Variants in ERBIN observed in about 807,000 individuals in gnomAD.
ERBIN encodes densin-180-like protein.
ERBIN carries 60 observed loss-of-function variants against 158.4 expected under a neutral mutation model. That is an observed-to-expected ratio of 0.38 (90% CI 0.31 to 0.47). ERBIN has a LOEUF of 0.47. ERBIN is among the 20% of genes least tolerant of loss of function. The pLI, the probability that ERBIN is intolerant of heterozygous loss-of-function variation, is 0.99. For missense variants in ERBIN, 1,610 were observed against 1,648.0 expected, an observed-to-expected ratio of 0.98 and a Z score of 0.40; for synonymous variants, 594 against 557.2, an observed-to-expected ratio of 1.07 and a Z score of -0.93.
At chr5:65,987,397 A>ACACACACACACACACAC (rs1561335953) in intron 1 of ERBIN, among the ~76,000 whole-genome samples, 2 of 16,272 alleles carry the variant, frequency 1.2e-4, no homozygotes, top group African/African-American at 5.1e-4. Context: ...CACACACACG[A>ACACACACACACACACAC]AAAAAGAAAA....
At chr5:65,952,476 C>T (rs1339456547) in intron 1 of ERBIN, among the ~76,000 whole-genome samples, 1 of 152,132 alleles carries the variant, frequency 6.6e-6, no homozygotes, top group Non-Finnish European at 1.5e-5. Flanking sequence ...CTTACCACCT[C>T]AGCCTGCCAA....
Position 66,077,795 on chromosome 5 carries a change from TAC to T in ERBIN, c.4132-614_4132-613del, listed in dbSNP as rs879359102. On this transcript the variant is annotated intron_variant, in intron 25 of 25. Transcript: ENST00000284037. ...ACACACACACACACACACACACACA[TAC>T]ACACACACACACAGTCACACTCACT... 6.3e-3 allele frequency among the ~76,000 whole-genome samples: 613 copies of T among 96,964 alleles called. 3 individuals are homozygous for T. The highest frequency in any genetic ancestry group is 8.4e-3 in the Non-Finnish European group (381 of 45,118). 63.6% of individuals were successfully genotyped at this position (96,964 alleles called of 152,430 possible). A position where few individuals can be genotyped will look rare whatever the true frequency, so the allele number is the denominator to read the frequency against.
chr5:66,012,254 A>G, intron 5 of ERBIN, 127 bp downstream of exon 5: 1 of 564,430 alleles, frequency 1.8e-6, no homozygotes, highest in Non-Finnish European at 3.1e-6. Context: ...TTTCAATTTT[A>G]GAGTTAAAAA....
chr5:66,006,639 A>G (rs1011590802), intron 4 of ERBIN, among the ~76,000 whole-genome samples: 3 of 152,168 alleles, frequency 2.0e-5, no homozygotes, highest in African/African-American at 7.2e-5. Context: ...TTTGCAATCT[A>G]CTTATCTGAC....
chr5:65,963,013 CAACAA>C (rs1223905549), intron 1 of ERBIN, among the ~76,000 whole-genome samples: 1 of 152,052 alleles, frequency 6.6e-6, no homozygotes, highest in Non-Finnish European at 1.5e-5. Flanking sequence ...TTTTTTAAAA[CAACAA>C]AATATACATT....
At chr5:65,977,047 GGGT>G (rs1204539102) in intron 1 of ERBIN, among the ~76,000 whole-genome samples, 1 of 152,200 alleles carries the variant, frequency 6.6e-6, no homozygotes, top group East Asian at 1.9e-4. Context: ...CTCGCAGATG[GGGT>G]GGTGGCCGGG....
At chr5:66,020,715 A>G (rs1216452750) in intron 7 of ERBIN, among the ~76,000 whole-genome samples, 4 of 152,004 alleles carry the variant, frequency 2.6e-5, no homozygotes, top group Non-Finnish European at 5.9e-5. Flanking sequence ...GTAATTTCAG[A>G]GAAGTGTTGA....
At chr5:65,996,608 G>C (rs984656790) in intron 4 of ERBIN, among the ~76,000 whole-genome samples, 2 of 151,912 alleles carry the variant, frequency 1.3e-5, no homozygotes, top group Non-Finnish European at 2.9e-5. Flanking sequence ...CGTTGCTTTG[G>C]GTATTCAGTC....
chr5:66,013,878 C>CA (rs1344322731), intron 6 of ERBIN, among the ~76,000 whole-genome samples: 2 of 152,000 alleles, frequency 1.3e-5, no homozygotes, highest in Non-Finnish European at 2.9e-5. Flanking sequence ...CAGGGCGTTT[C>CA]AATGGGGTTA....
intron 1 of ERBIN, among the ~76,000 whole-genome samples, chr5:65,966,792 G>C (rs6880204): frequency 6.6e-6 from 1 of 151,482 alleles, no homozygotes; most frequent in Admixed American, 6.6e-5. Context: ...TGACAGTTCC[G>C]GTTGTGTTGT....
At chr5:65,957,054 C>T (rs1747225300) in intron 1 of ERBIN, among the ~76,000 whole-genome samples, 1 of 152,126 alleles carries the variant, frequency 6.6e-6, no homozygotes, top group South Asian at 2.1e-4. Flanking sequence ...TAACCAGTCA[C>T]TACTAAGGTA....
At chr5:65,927,748 T>G (rs952541884) in intron 1 of ERBIN, among the ~76,000 whole-genome samples, 1 of 152,216 alleles carries the variant, frequency 6.6e-6, no homozygotes, top group Admixed American at 6.5e-5. Context: ...TAAATAGTGA[T>G]AGGTTCTGCC....
chr5:65,997,105 CT>C, intron 4 of ERBIN, among the ~76,000 whole-genome samples: 1 of 152,188 alleles, frequency 6.6e-6, no homozygotes, highest in South Asian at 2.1e-4. Context: ...ATTTGGAATC[CT>C]TTTATTTCTT....
intron 1 of ERBIN, among the ~76,000 whole-genome samples, chr5:65,940,747 C>T (rs1744880219): frequency 1.4e-5 from 2 of 147,028 alleles, no homozygotes; most frequent in African/African-American, 2.6e-5. Context: ...TGAGGGGCGC[C>T]TCTGCCCGGC....
intron 5 of ERBIN, among the ~76,000 whole-genome samples, chr5:66,013,268 T>C (rs368052423): frequency 6.6e-6 from 1 of 152,218 alleles, no homozygotes; most frequent in East Asian, 1.9e-4. Context: ...AAATATATTT[T>C]TATGTATTGT....
intron 3 of ERBIN, among the ~76,000 whole-genome samples, chr5:65,993,945 T>C (rs61026177): frequency 0.038 from 5,826 of 152,190 alleles, 373 homozygotes; most frequent in African/African-American, 0.13. Context: ...ATAGAGTGTG[T>C]TGTATATAGC....
At chr5:65,996,244 G>GTTTTTT (rs34947686) in intron 4 of ERBIN, among the ~76,000 whole-genome samples, 39 of 101,154 alleles carry the variant, frequency 3.9e-4, no homozygotes, top group African/African-American at 1.3e-3. Flanking sequence ...TTTCCTAGTA[G>GTTTTTT]TTTTTTTTTT....
intron 1 of ERBIN, among the ~76,000 whole-genome samples, chr5:65,952,102 A>G (rs1356922223): frequency 6.6e-6 from 1 of 152,222 alleles, no homozygotes; most frequent in East Asian, 1.9e-4. Flanking sequence ...GATGGCCCTA[A>G]GTATAATTGA....
rs756838151 is a variant in ERBIN at position 66,082,400 on chromosome 5, T to C, written c.*3870T>C. On this transcript the variant is annotated 3_prime_UTR_variant, in exon 26 of 26. Transcript: ENST00000284037. ...AGGGACAATGGTGATCTGTCACGCA[T>C]CTGCCCATCTAGCTTCTCAATCGGC... 2 of 152,242 alleles carry C rather than the reference T, an allele frequency of 1.3e-5. No homozygotes were observed. The highest frequency in any genetic ancestry group is 2.9e-5 in the Non-Finnish European group (2 of 68,038). The allele number at this position is 152,242 out of a possible 1,614,324, so 9.4% of individuals were successfully genotyped here.
Sources: gnomAD v4.1 joint callset for allele counts (sites outside exome capture counted in the v4.1 genomes callset) on GRCh38, gnomAD v4.1.1 for gene constraint, MANE v1.5 for transcripts, NCBI Gene and HGNC (gene_info 2026-07-23, HGNC 2026-07-21) for gene names.